The following MYMX variants were observed in gnomAD, a reference collection of about 807,000 sequenced individuals.
MYMX encodes protein myomixer.
chr6:44,202,293 G>A, the MYMX span, among the ~76,000 whole-genome samples: 2 of 152,150 alleles, frequency 1.3e-5, no homozygotes, highest in Non-Finnish European at 2.9e-5. Context: ...ATTAACTGAT[G>A]CCTGTGTATG....
At chr6:44,198,820 T>G in the MYMX span, among the ~76,000 whole-genome samples, 1 of 152,158 alleles carries the variant, frequency 6.6e-6, no homozygotes, top group Non-Finnish European at 1.5e-5. Context: ...TTTTCCATGT[T>G]GGTCAGGCTG....
the MYMX span, among the ~76,000 whole-genome samples, chr6:44,210,693 T>C: frequency 6.6e-6 from 1 of 152,274 alleles, no homozygotes. Context: ...GGCTATTCAT[T>C]GTATATCTAG....
chr6:44,197,885 C>A, the MYMX span, among the ~76,000 whole-genome samples: 1 of 152,186 alleles, frequency 6.6e-6, no homozygotes, highest in Non-Finnish European at 1.5e-5. Flanking sequence ...CCACTCCTGG[C>A]CCTATTGATT....
At chr6:44,199,303 C>T in the MYMX span, among the ~76,000 whole-genome samples, 1 of 151,326 alleles carries the variant, frequency 6.6e-6, no homozygotes, top group Non-Finnish European at 1.5e-5. Flanking sequence ...CTCAGGTGAT[C>T]CTCCCACCTC....
chr6:44,217,299 G>A (rs1005636093), intron 1 of MYMX, among the ~76,000 whole-genome samples, 151 bp from the exon 2 acceptor site: 2 of 152,140 alleles, frequency 1.3e-5, no homozygotes, highest in Admixed American at 1.3e-4. Context: ...CCAAGAGAAA[G>A]GGCTTCATGA....
chr6:44,196,784 C>A, the MYMX span, among the ~76,000 whole-genome samples: 1 of 149,182 alleles, frequency 6.7e-6, no homozygotes, highest in Non-Finnish European at 1.5e-5. Flanking sequence ...AATGGAGAAA[C>A]CCTGTCTCTA....
upstream of MYMX, among the ~76,000 whole-genome samples, chr6:44,212,894 C>T (rs1008855635): frequency 3.3e-5 from 5 of 150,350 alleles, no homozygotes; most frequent in African/African-American, 9.8e-5. Flanking sequence ...TGACTGGGCA[C>T]GCATGCACCT....
At chr6:44,201,848 G>C in the MYMX span, among the ~76,000 whole-genome samples, 1 of 152,172 alleles carries the variant, frequency 6.6e-6, no homozygotes, top group East Asian at 1.9e-4. Context: ...GCTCCGGAAG[G>C]TGCCACTCTC....
the MYMX span, among the ~76,000 whole-genome samples, chr6:44,204,125 A>C: frequency 6.6e-6 from 1 of 152,220 alleles, no homozygotes; most frequent in African/African-American, 2.4e-5. Flanking sequence ...CTGGGTTTAC[A>C]GGAGTGAGTC....
chr6:44,201,093 A>G, the MYMX span, among the ~76,000 whole-genome samples: 7 of 152,220 alleles, frequency 4.6e-5, no homozygotes, highest in East Asian at 1.4e-3. Flanking sequence ...TCGCCTGTGC[A>G]TGGGTCTATC....
chr6:44,208,205 C>G, the MYMX span, among the ~76,000 whole-genome samples: 64 of 150,426 alleles, frequency 4.3e-4, no homozygotes, highest in African/African-American at 1.5e-3. Flanking sequence ...TTTGATCACA[C>G]CACTGCATGC....
the MYMX span, among the ~76,000 whole-genome samples, chr6:44,198,557 A>G: frequency 6.6e-6 from 1 of 151,970 alleles, no homozygotes; most frequent in African/African-American, 2.4e-5. Flanking sequence ...CCCAGGCTGG[A>G]GTGCAGTGGC....
At chr6:44,211,382 G>T in the MYMX span, among the ~76,000 whole-genome samples, 3 of 152,058 alleles carry the variant, frequency 2.0e-5, no homozygotes, top group Non-Finnish European at 2.9e-5. Flanking sequence ...AAGAATTTTT[G>T]GGGGGTAAAG....
At chr6:44,193,288 A>G in the MYMX span, among the ~76,000 whole-genome samples, 1 of 151,496 alleles carries the variant, frequency 6.6e-6, no homozygotes, top group South Asian at 2.1e-4. Context: ...TTTTTTTTCC[A>G]TATAGAGTCT....
chr6:44,204,212 G>A, the MYMX span, among the ~76,000 whole-genome samples: 15 of 152,312 alleles, frequency 9.8e-5, no homozygotes, highest in African/African-American at 3.6e-4. Context: ...TATATAGCAT[G>A]TCTGACAATG....
chr6:44,213,961 T>C (rs773600798), upstream of MYMX, among the ~76,000 whole-genome samples: 24 of 152,142 alleles, frequency 1.6e-4, no homozygotes, highest in Non-Finnish European at 2.5e-4. Flanking sequence ...CGGGTGTGCA[T>C]TGCCATGCTC....
the MYMX span, among the ~76,000 whole-genome samples, chr6:44,208,214 G>GTGA: frequency 5.7e-4 from 84 of 148,288 alleles, no homozygotes; most frequent in Middle Eastern, 7.0e-3. Context: ...ACCACTGCAT[G>GTGA]CCAGCTTGGG....
At chr6:44,207,249 C>T in the MYMX span, among the ~76,000 whole-genome samples, 1 of 152,156 alleles carries the variant, frequency 6.6e-6, no homozygotes, top group Non-Finnish European at 1.5e-5. Context: ...AGCTCCGCCT[C>T]CCAGGTTCAC....
In MYMX at chr6:44,217,285, C is replaced by T. The variant is rs1024977855; in HGVS notation, c.-22-165C>T. On this transcript the variant is annotated intron_variant, in intron 1 of 1. Coordinates refer to ENST00000573382, the MANE Select transcript of MYMX (RefSeq NM_001315494.2). ...GTGAGAACCTTCCTGCCTCAGCTGC[C>T]TTGCCAAGAGAAAGGGCTTCATGAA... 3.5e-4 allele frequency among the ~76,000 whole-genome samples: 53 copies of T among 152,112 alleles called. 1 individual carries two copies. The highest frequency in any genetic ancestry group is 1.9e-4 in the Non-Finnish European group (13 of 68,000).
Sources: gnomAD v4.1 joint callset for allele counts (sites outside exome capture counted in the v4.1 genomes callset) on GRCh38, gnomAD v4.1.1 for gene constraint, MANE v1.5 for transcripts, NCBI Gene and HGNC (gene_info 2026-07-23, HGNC 2026-07-21) for gene names.